The following TAOK1 variants were observed in gnomAD, a reference collection of about 807,000 sequenced individuals.
TAOK1 encodes the protein TAO kinase 1.
TAOK1 carries 21 observed loss-of-function variants against 138.3 expected under a neutral mutation model. That is an observed-to-expected ratio of 0.15 (90% CI 0.11 to 0.22). The LOEUF (loss-of-function observed/expected upper bound fraction) is 0.22. TAOK1 is among the 10% of genes least tolerant of loss of function. The pLI, the probability that TAOK1 is intolerant of heterozygous loss-of-function variation, is 1.00. For synonymous variants in TAOK1, 361 were observed against 398.4 expected, an observed-to-expected ratio of 0.91 and a Z score of 1.12; for missense variants, 651 against 1,227.7, an observed-to-expected ratio of 0.53 and a Z score of 7.02.
intron 1 of TAOK1, among the ~76,000 whole-genome samples, chr17:29,417,204 G>C (rs1163300745): frequency 1.3e-5 from 2 of 152,038 alleles, no homozygotes; most frequent in African/African-American, 4.8e-5. Context: ...TTATTAGTAA[G>C]GGGTTTTGCC....
At chr17:29,420,480 C>CT (rs1308019794) in intron 1 of TAOK1, among the ~76,000 whole-genome samples, 2 of 150,192 alleles carry the variant, frequency 1.3e-5, no homozygotes, top group African/African-American at 2.4e-5. Context: ...GTCTGAATGC[C>CT]TTTTTTTTTC....
chr17:29,436,898 A>G (rs1049998717), intron 1 of TAOK1, among the ~76,000 whole-genome samples: 1 of 152,180 alleles, frequency 6.6e-6, no homozygotes, highest in Non-Finnish European at 1.5e-5. Context: ...GCCATGTGCC[A>G]GGGAAGAAAA....
At chr17:29,538,360 C>T (rs909867980) in intron 19 of TAOK1, among the ~76,000 whole-genome samples, 6 of 151,958 alleles carry the variant, frequency 3.9e-5, no homozygotes, top group African/African-American at 9.7e-5. Flanking sequence ...AAAATGCATA[C>T]AATTATTTAG....
intron 12 of TAOK1, 118 bp downstream of exon 12, chr17:29,498,639 T>A: frequency 3.5e-6 from 4 of 1,140,342 alleles, no homozygotes; most frequent in Non-Finnish European, 5.0e-6. Context: ...GGAACATGGC[T>A]GGGCTCAGTG....
At chr17:29,515,108 G>A (rs994261489) in intron 15 of TAOK1, 1 of 151,832 alleles carries the variant, frequency 6.6e-6, no homozygotes, top group Admixed American at 6.6e-5. Context: ...TTATGAGCTG[G>A]TATGTAAAAC....
intron 1 of TAOK1, among the ~76,000 whole-genome samples, chr17:29,412,009 T>TTTCC (rs984471284): frequency 1.3e-5 from 2 of 152,014 alleles, no homozygotes; most frequent in African/African-American, 2.4e-5. Flanking sequence ...TCCTTCCTTC[T>TTTCC]TTCCTTCCTT....
chr17:29,480,237 T>G, intron 6 of TAOK1, 131 bp from the exon 7 acceptor site: 26 of 510,410 alleles, frequency 5.1e-5, no homozygotes, highest in African/African-American at 5.9e-5. Flanking sequence ...ATCCCAATTG[T>G]GAGATTACCC....
chr17:29,477,688 G>T lies in TAOK1; in HGVS notation c.334G>T (p.Ala112Ser). The change falls in exon 5 of 20, where the codon GCT becomes TCT. Residue 112 changes from alanine (A) to serine (S), a missense_variant. Around this residue, in one of 8 missense-constraint regions of TAOK1, gnomAD observed 116 missense variants for 213.9 expected, o/e 0.54. Coordinates refer to ENST00000261716, the MANE Select transcript of TAOK1 (RefSeq NM_020791.4). ...TGTAATGGAATATTGTTTAGGATCTGCTTCGGATTTACTAGAAGGTAAGTT... is the reference window on the plus strand; with the variant it reads ...TGTAATGGAATATTGTTTAGGATCTTCTTCGGATTTACTAGAAGGTAAGTT... ...WLVMEYCLGS[A>S]SDLLEVHKKP... 7.1e-7 allele frequency: 1 copy of T among 1,412,132 alleles called. No individual in the cohort carries two copies. The highest frequency in any genetic ancestry group is 9.3e-7 in the Non-Finnish European group (1 of 1,072,094). The allele number at this position is 1,412,132 out of a possible 1,614,324, so 87.5% of individuals were successfully genotyped here.
At chr17:29,490,960 C>T (rs1202370372) in intron 9 of TAOK1, among the ~76,000 whole-genome samples, 1 of 152,164 alleles carries the variant, frequency 6.6e-6, no homozygotes, top group East Asian at 1.9e-4. Flanking sequence ...CTGAACAACT[C>T]GCATTAGGCC....
intron 19 of TAOK1, 85 bp from the exon 20 acceptor site, chr17:29,542,476 T>C: frequency 1.6e-6 from 2 of 1,273,208 alleles, no homozygotes; most frequent in South Asian, 3.3e-5. Context: ...AAATAACCAC[T>C]TCAAAGCTGA....
In TAOK1 at chr17:29,542,904, G is replaced by A. The variant is rs749158021; in HGVS notation, c.2888G>A (p.Arg963His). ...CCTCGAGGTAGCAGTATGGGAGTCC[G>A]CAATAGCCCCCAGGCTCTGAGGCGG... ...GVPRGSSMGV[R>H]NSPQALRRTA... The change falls in exon 20 of 20, where the codon CGC becomes CAC. Residue 963 changes from arginine (R) to histidine (H), a missense_variant. Physicochemically the swap from Arg to His is conservative, Grantham distance 29. Around this residue, in one of 8 missense-constraint regions of TAOK1, gnomAD observed 108 missense variants for 120.3 expected, o/e 0.90. Coordinates refer to ENST00000261716, the MANE Select transcript of TAOK1 (RefSeq NM_020791.4). The A allele has an allele frequency of 9.3e-6, 15 of 1,613,540 alleles. No individual in the cohort carries two copies. Among genetic ancestry groups the A allele is most frequent in the African/African-American group, 1.3e-5 (1 of 74,922 alleles).
chr17:29,422,148 C>T (rs1024427352), intron 1 of TAOK1, among the ~76,000 whole-genome samples: 43 of 152,108 alleles, frequency 2.8e-4, no homozygotes, highest in Admixed American at 1.1e-3. Context: ...CCACCCGCCT[C>T]GGCCTCCCAA....
At chr17:29,446,317 T>G (rs929403439) in intron 1 of TAOK1, among the ~76,000 whole-genome samples, 1 of 152,126 alleles carries the variant, frequency 6.6e-6, no homozygotes, top group African/African-American at 2.4e-5. Context: ...TACTTTTGGC[T>G]TAACTTGCTT....
chr17:29,511,142 A>G (rs2031712580), intron 15 of TAOK1, 150 bp downstream of exon 15: 1 of 542,338 alleles, frequency 1.8e-6, no homozygotes, highest in Non-Finnish European at 3.0e-6. Context: ...ATTGATTATA[A>G]TCAGTTACCC....
chr17:29,425,905 G>A (rs1905622378), intron 1 of TAOK1, among the ~76,000 whole-genome samples: 1 of 152,116 alleles, frequency 6.6e-6, no homozygotes. Flanking sequence ...TTTTGAGACG[G>A]AGTCTCGCTC....
intron 13 of TAOK1, among the ~76,000 whole-genome samples, chr17:29,507,170 A>G (rs1474647168): frequency 1.3e-5 from 2 of 152,128 alleles, no homozygotes; most frequent in Admixed American, 1.3e-4. Flanking sequence ...TGATAGTTGC[A>G]TGGCATGGTA....
chr17:29,434,600 G>C (rs562719758), intron 1 of TAOK1, among the ~76,000 whole-genome samples: 4 of 152,072 alleles, frequency 2.6e-5, no homozygotes, highest in Non-Finnish European at 4.4e-5. Flanking sequence ...CAGGGGTGTC[G>C]AGACAATAGG....
chr17:29,391,237 G>T, intron 1 of TAOK1, among the ~76,000 whole-genome samples: 1 of 152,116 alleles, frequency 6.6e-6, no homozygotes, highest in East Asian at 1.9e-4. Flanking sequence ...TTTTCCTGAG[G>T]GTCACCGGAA....
Position 29,508,070 on chromosome 17 carries a change from A to G in TAOK1, c.1513A>G (p.Asn505Asp). 6.2e-7 allele frequency: 1 copy of G among 1,614,136 alleles called. No homozygotes were observed. Among genetic ancestry groups the G allele is most frequent in the Non-Finnish European group, 8.5e-7 (1 of 1,179,980 alleles). ...AGACAAAGATCTTGAAACTCAGCGT[A>G]ACAATTTTGCTGCAGAAATGGAGAA... ...RLDKDLETQR[N>D]NFAAEMEKLI... Residue 505 changes from asparagine (N) to aspartate (D), a missense_variant, in exon 14 of 20, where the codon AAC becomes GAC. Coordinates refer to ENST00000261716, the MANE Select transcript of TAOK1 (RefSeq NM_020791.4).
Sources: allele counts gnomAD v4.1 joint callset (sites outside exome capture counted in the v4.1 genomes callset), GRCh38; gene constraint gnomAD v4.1.1; regional missense constraint gnomAD v4.1.1; transcripts MANE v1.5; gene names NCBI Gene and HGNC (gene_info 2026-07-23, HGNC 2026-07-21).